SESN2: variants seen among roughly 807,000 people sequenced by gnomAD.
The protein encoded by SESN2 is sestrin-2.
Under a neutral mutation model 56.0 loss-of-function variants are expected in SESN2, and 42 were observed. The ratio of observed to expected loss-of-function variants is 0.75; its 90% CI spans 0.59 to 0.97. The LOEUF is 0.97. SESN2 is among the 50% of genes least tolerant of loss of function. SESN2 has a pLI of 0.00. For missense variants in SESN2, 507 were observed against 649.4 expected, an observed-to-expected ratio of 0.78 and a Z score of 2.38; for synonymous variants, 264 against 267.1, an observed-to-expected ratio of 0.99 and a Z score of 0.11.
chr1:28,279,472 G>A (rs1648160063), intron 9 of SESN2, among the ~76,000 whole-genome samples: 1 of 152,220 alleles, frequency 6.6e-6, no homozygotes, highest in Non-Finnish European at 1.5e-5. Flanking sequence ...GTAGCTTGGT[G>A]GACCTGGGTT....
Position 28,271,662 on chromosome 1 carries a change from T to A in SESN2, c.157-12T>A. On this transcript the variant is annotated splice_polypyrimidine_tract_variant and intron_variant, in intron 2 of 9. Coordinates refer to ENST00000253063, the MANE Select transcript of SESN2 (RefSeq NM_031459.5). ...GAGGGAAACCCATGCTCTCCTCCCC[T>A]TTGGTTGGCAGGTCCTTCGGGAGGG... The A allele has an allele frequency of 6.2e-7, 1 of 1,612,236 alleles. No homozygotes were observed. The highest frequency in any genetic ancestry group is 8.5e-7 in the Non-Finnish European group (1 of 1,178,378).
Position 28,280,886 on chromosome 1 carries a change from T to C in SESN2, c.*84T>C. 1 of 1,032,188 alleles carries C rather than the reference T, an allele frequency of 9.7e-7. No individual in the cohort carries two copies. Among genetic ancestry groups the C allele is most frequent in the South Asian group, 1.3e-5 (1 of 77,900 alleles). 63.9% of individuals were successfully genotyped at this position (1,032,188 alleles called of 1,614,324 possible). On this transcript the variant is annotated 3_prime_UTR_variant, in exon 10 of 10. Transcript: ENST00000253063. ...CAGCCCCAGACCCTTTTGTGTCCCA[T>C]GCCCACCCTCCCCACGCTGCAGTGG... is the stretch of plus-strand genomic sequence containing the variant.
In SESN2 at chr1:28,281,182, G is replaced by T. The variant is rs534973944; in HGVS notation, c.*380G>T. On this transcript the variant is annotated 3_prime_UTR_variant, in exon 10 of 10. Transcript: ENST00000253063. ...CCTGGCTGGCCCCCGGGGGAGAGGGGCAAATGCCTCCGGGACTGACACTCC... is the reference window on the plus strand; with the variant it reads ...CCTGGCTGGCCCCCGGGGGAGAGGGTCAAATGCCTCCGGGACTGACACTCC... The T allele has an allele frequency of 1.6e-5, 3 of 185,170 alleles. No individual in the cohort carries two copies. In the South Asian group the frequency reaches 4.3e-4, roughly 26 times the overall value. 11.5% of individuals were successfully genotyped at this position (185,170 alleles called of 1,614,324 possible).
chr1:28,273,266 T>G, intron 5 of SESN2, 92 bp from the exon 6 acceptor site: 7 of 1,276,010 alleles, frequency 5.5e-6, no homozygotes, highest in Non-Finnish European at 7.4e-6. Context: ...TTTGTGAGCA[T>G]TAGGAAGGCC....
intron 8 of SESN2, 91 bp downstream of exon 8, chr1:28,275,106 C>T (rs1647984629): frequency 1.1e-6 from 1 of 929,542 alleles, no homozygotes; most frequent in Non-Finnish European, 1.6e-6. Flanking sequence ...TTGTTTTTTT[C>T]TTTTCCTTTC....
rs888139282 is a variant in SESN2 at position 28,269,261 on chromosome 1, G to A, written c.156+13G>A. Reference sequence around the variant, plus strand: ...CCCCGTGGAGGAGGTAAGCTTGGAAGGGGTTAGGGATCTTTGGTCCCTGGG... The same window carrying A: ...CCCCGTGGAGGAGGTAAGCTTGGAAAGGGTTAGGGATCTTTGGTCCCTGGG... On this transcript the variant is annotated intron_variant, in intron 2 of 9. Transcript: ENST00000253063. 2 of 1,604,560 alleles carry A rather than the reference G, an allele frequency of 1.2e-6. No individual in the cohort carries two copies. Among genetic ancestry groups the A allele is most frequent in the South Asian group, 1.1e-5 (1 of 90,308 alleles).
chr1:28,264,014 C>T (rs1647472634), intron 1 of SESN2, among the ~76,000 whole-genome samples: 1 of 149,552 alleles, frequency 6.7e-6, no homozygotes, highest in African/African-American at 2.5e-5. Context: ...CGCTTGAGCC[C>T]AGGAGTTTGA....
intron 7 of SESN2, 152 bp downstream of exon 7, chr1:28,274,310 T>C: frequency 3.1e-6 from 2 of 639,348 alleles, no homozygotes; most frequent in South Asian, 1.8e-5. Context: ...GGTGGGAGGA[T>C]TGCTTGAGCC....
Position 28,259,889 on chromosome 1 carries a change from C to T in SESN2, c.42C>T (p.Asp14=), listed in dbSNP as rs1388380414. 2.8e-6 allele frequency: 4 copies of T among 1,451,784 alleles called. No homozygotes were observed. Among genetic ancestry groups the T allele is most frequent in the Non-Finnish European group, 3.6e-6 (4 of 1,106,332 alleles). The allele number at this position is 1,451,784 out of a possible 1,614,324, so 89.9% of individuals were successfully genotyped here. A position where few individuals can be genotyped will look rare whatever the true frequency, so the allele number is the denominator to read the frequency against. The change falls in exon 1 of 10, where the codon GAC becomes GAT. Residue 14 remains aspartate (D), a synonymous_variant. Transcript: ENST00000253063. ...CCGAGTGCCGCGCAGAGCTCAAGGACTACCTGCGGTTCGCCCCGGGCGGCG... is the reference window on the plus strand; with the variant it reads ...CCGAGTGCCGCGCAGAGCTCAAGGATTACCTGCGGTTCGCCCCGGGCGGCG... ...ADSECRAELK[D]YLRFAPGGVG...
intron 8 of SESN2, among the ~76,000 whole-genome samples, chr1:28,278,745 AATCTCAGTTTCCTC>A (rs1648133023): frequency 6.6e-6 from 1 of 152,178 alleles, no homozygotes; most frequent in Non-Finnish European, 1.5e-5. Context: ...CCTTTCTCTA[AATCTCAGTTTCCTC>A]ATCTATAACA....
At chr1:28,265,510 C>CA in intron 1 of SESN2, among the ~76,000 whole-genome samples, 1 of 152,178 alleles carries the variant, frequency 6.6e-6, no homozygotes, top group East Asian at 1.9e-4. Context: ...TCTCCTGCCT[C>CA]AGCCCCCCGA....
In SESN2 at chr1:28,259,737, T is replaced by G; in HGVS notation, c.-111T>G. ...TGGAGCCCCGAGAGACGCCCCGGGGTTCTAGAAGCTCCCCGGCGGCGCCCA... is the reference window on the plus strand; with the variant it reads ...TGGAGCCCCGAGAGACGCCCCGGGGGTCTAGAAGCTCCCCGGCGGCGCCCA... On this transcript the variant is annotated 5_prime_UTR_variant, in exon 1 of 10. Transcript: ENST00000253063. 9.4e-6 allele frequency: 7 copies of G among 741,742 alleles called. No individual in the cohort carries two copies. The South Asian group carries it at 1.0e-4, about 11-fold the overall frequency. 45.9% of individuals were successfully genotyped at this position (741,742 alleles called of 1,614,324 possible). A position where few individuals can be genotyped will look rare whatever the true frequency, so the allele number is the denominator to read the frequency against.
intron 1 of SESN2, among the ~76,000 whole-genome samples, chr1:28,262,621 CAAAAA>C (rs71027268): frequency 1.4e-3 from 74 of 52,502 alleles, no homozygotes; most frequent in African/African-American, 6.6e-3. Context: ...GAGTCTGTCT[CAAAAA>C]AAAAAAAAAA....
intron 8 of SESN2, among the ~76,000 whole-genome samples, chr1:28,275,252 T>TAC (rs551938263): frequency 3.0e-4 from 45 of 151,694 alleles, no homozygotes; most frequent in Non-Finnish European, 1.2e-4. Flanking sequence ...TACATATATA[T>TAC]ACACACACAC....
chr1:28,263,607 G>T (rs1042468638), intron 1 of SESN2, among the ~76,000 whole-genome samples: 1 of 152,096 alleles, frequency 6.6e-6, no homozygotes, highest in African/African-American at 2.4e-5. Flanking sequence ...TAGGGTAACC[G>T]AGAATAAAGT....
intron 7 of SESN2, 150 bp from the exon 8 acceptor site, chr1:28,274,675 T>C: frequency 1.5e-6 from 1 of 664,848 alleles, no homozygotes; most frequent in Non-Finnish European, 2.6e-6. Flanking sequence ...AAAGTATACC[T>C]TCCTTGACCT....
intron 8 of SESN2, among the ~76,000 whole-genome samples, chr1:28,277,771 T>C (rs1007311089): frequency 6.6e-6 from 1 of 152,220 alleles, no homozygotes; most frequent in Non-Finnish European, 1.5e-5. Flanking sequence ...TATTACTAGC[T>C]GTAAATCATA....
At position 28,281,118 on chromosome 1, in the gene SESN2, T is replaced by C. The variant is rs1648224302; in HGVS notation, c.*316T>C. 3.7e-6 allele frequency: 1 copy of C among 273,580 alleles called. No homozygotes were observed. The highest frequency in any genetic ancestry group is 6.9e-6 in the Non-Finnish European group (1 of 144,532). The allele number at this position is 273,580 out of a possible 1,614,324, so 16.9% of individuals were successfully genotyped here. ...GAAGCCGGGCCAAGCTCGGAATTAA[T>C]GTGCCACAAGTGTTGTGGCCTTCCT... On this transcript the variant is annotated 3_prime_UTR_variant, in exon 10 of 10. Transcript: ENST00000253063.
intron 8 of SESN2, among the ~76,000 whole-genome samples, chr1:28,276,941 C>T (rs1648072539): frequency 1.5e-5 from 2 of 136,068 alleles, no homozygotes; most frequent in Non-Finnish European, 3.1e-5. Flanking sequence ...GAGTCTCGCT[C>T]TGTTGCCCAG....
Sources: gnomAD v4.1 joint callset for allele counts (sites outside exome capture counted in the v4.1 genomes callset) on GRCh38, gnomAD v4.1.1 for gene constraint, MANE v1.5 for transcripts, NCBI Gene and HGNC (gene_info 2026-07-23, HGNC 2026-07-21) for gene names.